The following DNAH12 variants were observed in gnomAD, a reference collection of about 807,000 sequenced individuals.
The protein encoded by DNAH12 is axonemal beta dynein heavy chain 12.
A neutral mutation model predicts 371.5 loss-of-function variants in DNAH12; 285 were observed. The ratio of observed to expected loss-of-function variants is 0.77; its 90% CI spans 0.70 to 0.85. The LOEUF is 0.85. Ranked by LOEUF, DNAH12 falls within the 40% of genes least tolerant of loss-of-function variation. DNAH12 has a pLI of 0.00. For missense variants in DNAH12, 3,611 were observed against 3,689.4 expected (o/e 0.98, Z 0.55); for synonymous variants, 1,200 against 1,213.0 (o/e 0.99, Z 0.22).
chr3:57,510,014 CAGTT>C (rs1419796709), intron 5 of DNAH12, among the ~76,000 whole-genome samples: 2 of 151,438 alleles, frequency 1.3e-5, no homozygotes, highest in African/African-American at 2.4e-5. Flanking sequence ...AAAAATGCAT[CAGTT>C]AATTAGCTCA....
intron 52 of DNAH12, among the ~76,000 whole-genome samples, chr3:57,378,442 T>A (rs1243087938): frequency 6.6e-6 from 1 of 152,268 alleles, no homozygotes; most frequent in African/African-American, 2.4e-5. Flanking sequence ...TCTCTACAGG[T>A]ACATGTACAT....
At position 57,330,980 on chromosome 3, in the gene DNAH12, T is replaced by A. The variant is rs190893511; in HGVS notation, c.9978+3485A>T. ...AAACAAGTAGAAGGCCTGAATAATA[T>A]AGGCTTTAATTCCATTTAGTTTAAC... On this transcript the variant is annotated intron_variant, in intron 62 of 73. Transcript: ENST00000495027. Among the ~76,000 whole-genome samples, 411 of 152,316 alleles carry A rather than the reference T, an allele frequency of 2.7e-3. 11 individuals are homozygous for A. Among genetic ancestry groups the A allele is most frequent in the Admixed American group, 0.026 (400 of 15,296 alleles).
chr3:57,402,277 CAGTGAA>C, intron 43 of DNAH12: 3 of 710,302 alleles, frequency 4.2e-6, no homozygotes, highest in African/African-American at 1.9e-5. Context: ...TGTGAAAGGT[CAGTGAA>C]AGTGAAAGAA....
chr3:57,308,758 C>T (rs1289025320), intron 69 of DNAH12, among the ~76,000 whole-genome samples: 1 of 152,180 alleles, frequency 6.6e-6, no homozygotes, highest in African/African-American at 2.4e-5. Flanking sequence ...TACGCTGAAC[C>T]TCCTCAGGCA....
intron 58 of DNAH12, among the ~76,000 whole-genome samples, chr3:57,362,128 C>T (rs2062951026): frequency 6.6e-6 from 1 of 151,936 alleles, no homozygotes; most frequent in Non-Finnish European, 1.5e-5. Context: ...GTTTTCTGTC[C>T]TTGCAATAGT....
upstream of DNAH12, among the ~76,000 whole-genome samples, chr3:57,547,672 A>G (rs1444302407): frequency 6.6e-6 from 1 of 152,242 alleles, no homozygotes; most frequent in Non-Finnish European, 1.5e-5. Context: ...CTATAAAACT[A>G]CAGATAATGC....
intron 69 of DNAH12, among the ~76,000 whole-genome samples, chr3:57,302,172 C>A (rs2061360978): frequency 1.3e-5 from 2 of 152,126 alleles, no homozygotes; most frequent in South Asian, 4.2e-4. Flanking sequence ...ACTAGCATAT[C>A]AAAATTTTTG....
At chr3:57,406,682 CTTG>C (rs1172475034) in intron 40 of DNAH12, among the ~76,000 whole-genome samples, 3 of 152,116 alleles carry the variant, frequency 2.0e-5, no homozygotes, top group Admixed American at 2.0e-4. Flanking sequence ...AAATAATTTT[CTTG>C]TTACTACAAT....
chr3:57,304,280 C>A (rs189721601), intron 69 of DNAH12, among the ~76,000 whole-genome samples: 4 of 152,178 alleles, frequency 2.6e-5, no homozygotes, highest in African/African-American at 9.7e-5. Flanking sequence ...TGCCATGACT[C>A]GGATCGGGGG....
At chr3:57,486,701 A>G (rs997991149) in intron 12 of DNAH12, among the ~76,000 whole-genome samples, 1 of 152,112 alleles carries the variant, frequency 6.6e-6, no homozygotes, top group African/African-American at 2.4e-5. Context: ...ACAAATATGT[A>G]CACTGTTAGG....
chr3:57,418,388 A>AG (rs1235429645), intron 37 of DNAH12, among the ~76,000 whole-genome samples: 1 of 146,706 alleles, frequency 6.8e-6, no homozygotes, highest in Non-Finnish European at 1.5e-5. Context: ...AAAAAAAAAA[A>AG]AAAAAGCCAG....
At chr3:57,498,643 A>G (rs1322645019) in intron 11 of DNAH12, 5 of 701,526 alleles carry the variant, frequency 7.1e-6, no homozygotes, top group Non-Finnish European at 1.3e-5. Context: ...TCAAATATCC[A>G]TCAAAACGTG....
intron 11 of DNAH12, among the ~76,000 whole-genome samples, chr3:57,495,818 AT>A (rs1162525568): frequency 7.0e-6 from 1 of 142,700 alleles, no homozygotes; most frequent in Non-Finnish European, 1.5e-5. Flanking sequence ...TTTTATATAT[AT>A]TTATATATTT....
intron 29 of DNAH12, among the ~76,000 whole-genome samples, chr3:57,443,697 C>T (rs1006714613): frequency 6.6e-6 from 1 of 151,648 alleles, no homozygotes; most frequent in Non-Finnish European, 1.5e-5. Flanking sequence ...GTGTTAAGGA[C>T]TGTTTCCTTT....
intron 11 of DNAH12, among the ~76,000 whole-genome samples, chr3:57,495,347 T>C (rs113867218): frequency 0.011 from 1,583 of 147,964 alleles, 72 homozygotes; most frequent in African/African-American, 0.034. Flanking sequence ...TCACCTGAGG[T>C]CACGAGTTCG....
intron 13 of DNAH12, among the ~76,000 whole-genome samples, chr3:57,479,765 A>G (rs1242438265): frequency 1.3e-5 from 2 of 152,170 alleles, no homozygotes; most frequent in Non-Finnish European, 2.9e-5. Context: ...GGATTAAGAA[A>G]CTCACTCAAA....
chr3:57,479,475 G>C (rs1165965812), intron 13 of DNAH12, among the ~76,000 whole-genome samples: 1 of 152,136 alleles, frequency 6.6e-6, no homozygotes, highest in Non-Finnish European at 1.5e-5. Context: ...AATAATGGGA[G>C]ACTTTAAAAC....
Position 57,384,997 on chromosome 3 carries a change from C to A in DNAH12, c.7692G>T (p.Glu2564Asp), listed in dbSNP as rs2063472882. 6.6e-6 allele frequency: 1 copy of A among 152,198 alleles called. No individual in the cohort carries two copies. Among genetic ancestry groups the A allele is most frequent in the African/African-American group, 2.4e-5 (1 of 41,454 alleles). The allele number at this position is 152,198 out of a possible 1,614,324, so 9.4% of individuals were successfully genotyped here. ...IENANMMQVI[E>D]IESVQVEAKR... is the part of the protein sequence containing the mutation. ...TCGCTTCCACTTGTACAGACTCTAT[C>A]TCAATAACCTAAAGAGGTGAAAGAT... Residue 2564 changes from glutamate (E) to aspartate (D), a missense_variant, in exon 49 of 74, where the codon GAG becomes GAT. By Grantham distance (45) the Glu-to-Asp change is conservative (BLOSUM62 2). Coordinates refer to ENST00000495027, the MANE Select transcript of DNAH12 (RefSeq NM_001366028.2).
intron 2 of DNAH12, among the ~76,000 whole-genome samples, chr3:57,537,975 G>A (rs1300504548): frequency 1.1e-4 from 16 of 152,136 alleles, no homozygotes; most frequent in Admixed American, 7.9e-4. Context: ...GAGCCACCAC[G>A]CCCGGCTGAA....
Sources: gnomAD v4.1 joint callset for allele counts (sites outside exome capture counted in the v4.1 genomes callset) on GRCh38, gnomAD v4.1.1 for gene constraint, MANE v1.5 for transcripts, NCBI Gene and HGNC (gene_info 2026-07-23, HGNC 2026-07-21) for gene names.